The following RAPH1 variants were observed in gnomAD, a reference collection of about 807,000 sequenced individuals.
RAPH1 encodes ras-associated and pleckstrin homology domains-containing protein 1.
In RAPH1, 18 loss-of-function variants were observed where a neutral mutation model predicts 88.1. That is an observed-to-expected ratio of 0.20 (90% CI 0.14 to 0.30). RAPH1 has a LOEUF of 0.30. Among genes scored for constraint, RAPH1 ranks in the 10% least tolerant of loss-of-function variants. The pLI is 1.00. For synonymous variants in RAPH1, 587 were observed against 559.0 expected (o/e 1.05, Z -0.71); for missense variants, 1,448 against 1,543.2 (o/e 0.94, Z 1.03).
At chr2:203,486,093 CAA>C (rs59599120) in intron 4 of RAPH1, among the ~76,000 whole-genome samples, 7 of 121,844 alleles carry the variant, frequency 5.7e-5, no homozygotes, top group African/African-American at 9.7e-5. Flanking sequence ...CTGAAGACTA[CAA>C]AAAAAAAAAA....
Position 203,442,211 on chromosome 2 carries a change from G to A in RAPH1, c.1777-798C>T, listed in dbSNP as rs1032832797. The A allele has an allele frequency of 9.5e-6, 9 of 946,718 alleles. No individual in the cohort carries two copies. The African/African-American group carries it at 1.4e-4, about 14-fold the overall frequency. 58.6% of individuals were successfully genotyped at this position (946,718 alleles called of 1,614,324 possible). A position where few individuals can be genotyped will look rare whatever the true frequency, so the allele number is the denominator to read the frequency against. On this transcript the variant is annotated intron_variant, in intron 13 of 13. Transcript: ENST00000319170. ...GAATAAAGAAAATGTATCAAGAAAT[G>A]GCAGCTAGCATTTGCCAACAACCAA... is the stretch of plus-strand genomic sequence containing the variant.
Position 203,440,371 on chromosome 2 carries a change from G to A in RAPH1, c.2819C>T (p.Pro940Leu), listed in dbSNP as rs374867907. Residue 940 changes from proline (P) to leucine (L), a missense_variant, in exon 14 of 14, where the codon CCA becomes CTA. Pro to Leu is a moderately conservative substitution (Grantham distance 98). Transcript: ENST00000319170. The stretch of plus-strand genomic sequence containing the variant: ...AGGAGAAGCTGTGGGTGGAGGTGGT[G>A]GTGGTGGGGCTGGGACAGGTGATGG... ...PPPSPVPAPPPPPPPTASPTP... is the reference protein window; with the variant it reads ...PPPSPVPAPPLPPPPTASPTP... The A allele has an allele frequency of 9.4e-5, 150 of 1,598,982 alleles. No homozygotes were observed. Among genetic ancestry groups the A allele is most frequent in the Non-Finnish European group, 1.2e-4 (137 of 1,171,332 alleles).
intron 1 of RAPH1, among the ~76,000 whole-genome samples, chr2:203,506,888 A>C (rs1307059086): frequency 3.9e-5 from 4 of 103,154 alleles, no homozygotes; most frequent in Admixed American, 1.0e-4. Flanking sequence ...ATAGATATAT[A>C]TATATATATA....
At chr2:203,471,816 TAA>T (rs1187672209) in intron 4 of RAPH1, among the ~76,000 whole-genome samples, 91 of 85,450 alleles carry the variant, frequency 1.1e-3, no homozygotes, top group Non-Finnish European at 7.9e-4. Flanking sequence ...ACCCATTCTT[TAA>T]AAAAAAAAAA....
Position 203,455,535 on chromosome 2 carries a change from C to T in RAPH1, c.1204G>A (p.Val402Ile). Residue 402 changes from valine (V) to isoleucine (I), a missense_variant, in exon 9 of 14, where the codon GTC (valine) becomes ATC (isoleucine). Physicochemically the swap from Val to Ile is conservative, Grantham distance 29. This residue lies in a region of RAPH1 where 513 missense variants were observed against 653.1 expected (regional missense o/e 0.79). Coordinates refer to ENST00000319170, the MANE Select transcript of RAPH1 (RefSeq NM_213589.3). ...SSVTVPEIEG[V>I]LWLKDDGKKS... ...TTGCCATCATCCTTCAACCAAAGGACTCCTTCAATTTCTGGTACAGTTACA... is the reference window on the plus strand; with the variant it reads ...TTGCCATCATCCTTCAACCAAAGGATTCCTTCAATTTCTGGTACAGTTACA... The T allele has an allele frequency of 1.2e-6, 2 of 1,613,352 alleles. No homozygotes were observed. Among genetic ancestry groups the T allele is most frequent in the Non-Finnish European group, 8.5e-7 (1 of 1,179,426 alleles).
intron 4 of RAPH1, among the ~76,000 whole-genome samples, chr2:203,472,729 C>T (rs930224857): frequency 3.2e-4 from 48 of 152,214 alleles, no homozygotes; most frequent in African/African-American, 7.9e-4. Flanking sequence ...CTGCCTCAGG[C>T]CATCAAAACA....
At chr2:203,493,998 A>AAAAAAG (rs1688395877) in intron 2 of RAPH1, among the ~76,000 whole-genome samples, 1 of 143,096 alleles carries the variant, frequency 7.0e-6, no homozygotes, top group Non-Finnish European at 1.5e-5. Context: ...AAAAAAAAAA[A>AAAAAAG]GAAAAAAGAA....
chr2:203,440,054 C>G lies in RAPH1; in HGVS notation c.3136G>C (p.Val1046Leu). ...NLPGVLQQGC[V>L]SAKAPVLSGR... ...CTCAGAACAGGGGCTTTTGCTGACA[C>G]ACACCCTTGTTGGAGAACTCCAGGA... is the stretch of plus-strand genomic sequence containing the variant. Residue 1046 changes from valine to leucine, a missense_variant, in exon 14 of 14, where the codon GTG becomes CTG. Physicochemically the swap from Val to Leu is conservative, Grantham distance 32. Transcript: ENST00000319170. 6 of 1,613,610 alleles carry G rather than the reference C, an allele frequency of 3.7e-6. No individual in the cohort carries two copies. Among genetic ancestry groups the G allele is most frequent in the Non-Finnish European group, 5.1e-6 (6 of 1,179,992 alleles).
chr2:203,492,592 G>T (rs1181600288), intron 2 of RAPH1, among the ~76,000 whole-genome samples: 2 of 152,042 alleles, frequency 1.3e-5, no homozygotes, highest in South Asian at 4.1e-4. Context: ...AACCTTTCTA[G>T]AGCAAGGAAA....
intron 13 of RAPH1, chr2:203,442,193 G>A: frequency 2.7e-6 from 3 of 1,106,432 alleles, no homozygotes; most frequent in Non-Finnish European, 2.5e-6. Flanking sequence ...CTAGAATAAA[G>A]AAAATGTATC....
chr2:203,458,126 C>T (rs2098521283), intron 7 of RAPH1, among the ~76,000 whole-genome samples: 1 of 152,156 alleles, frequency 6.6e-6, no homozygotes, highest in African/African-American at 2.4e-5. Context: ...AATCCCAGCA[C>T]TCTGGGAGGC....
intron 2 of RAPH1, 120 bp downstream of exon 2, chr2:203,495,114 A>G (rs1688454791): frequency 3.7e-6 from 4 of 1,082,000 alleles, no homozygotes; most frequent in Non-Finnish European, 5.4e-6. Flanking sequence ...TACTTCGAAC[A>G]TTTCTTCCTT....
At chr2:203,452,937 AAAAT>A (rs573952989) in intron 10 of RAPH1, among the ~76,000 whole-genome samples, 20 of 152,146 alleles carry the variant, frequency 1.3e-4, no homozygotes, top group African/African-American at 4.3e-4. Context: ...GACTGTCTCA[AAAAT>A]AAATAAATAA....
At chr2:203,528,422 C>T (rs1007256675) in intron 1 of RAPH1, among the ~76,000 whole-genome samples, 3 of 152,122 alleles carry the variant, frequency 2.0e-5, no homozygotes, top group African/African-American at 7.2e-5. Context: ...GCAAGAATAG[C>T]TGATTGACAA....
At chr2:203,534,369 T>C (rs1446421233) in intron 1 of RAPH1, among the ~76,000 whole-genome samples, 1 of 152,138 alleles carries the variant, frequency 6.6e-6, no homozygotes, top group Admixed American at 6.5e-5. Flanking sequence ...TCTTCGAGCT[T>C]GTAAGCAATA....
chr2:203,518,401 C>T (rs1689711780), intron 1 of RAPH1, among the ~76,000 whole-genome samples: 1 of 151,946 alleles, frequency 6.6e-6, no homozygotes, highest in Non-Finnish European at 1.5e-5. Flanking sequence ...ACCTGGAATT[C>T]CAGCTACTTG....
intron 4 of RAPH1, among the ~76,000 whole-genome samples, chr2:203,469,539 T>C (rs1287727793): frequency 1.3e-5 from 2 of 152,192 alleles, no homozygotes; most frequent in East Asian, 3.8e-4. Flanking sequence ...TTTTCAGAAA[T>C]ATGTCTGATA....
At chr2:203,479,379 G>A (rs943456768) in intron 4 of RAPH1, among the ~76,000 whole-genome samples, 4 of 152,130 alleles carry the variant, frequency 2.6e-5, no homozygotes, top group African/African-American at 4.8e-5. Context: ...TGAGGCGGGC[G>A]CATCACTTGA....
chr2:203,460,133 C>A, intron 6 of RAPH1, 105 bp from the exon 7 acceptor site: 1 of 983,998 alleles, frequency 1.0e-6, no homozygotes, highest in South Asian at 1.7e-5. Flanking sequence ...TAATCTTAAC[C>A]GACATTTTAG....
Sources: gnomAD v4.1 joint callset for allele counts (sites outside exome capture counted in the v4.1 genomes callset) on GRCh38, gnomAD v4.1.1 for gene constraint, gnomAD v4.1.1 regional missense constraint, MANE v1.5 for transcripts, NCBI Gene and HGNC (gene_info 2026-07-23, HGNC 2026-07-21) for gene names.